The following HECTD4 variants were observed in gnomAD, a reference collection of about 807,000 sequenced individuals.
The protein encoded by HECTD4 is HECT domain E3 ubiquitin protein ligase 4.
HECTD4 carries 114 observed loss-of-function variants against 471.5 expected under a neutral mutation model. The observed-to-expected ratio is 0.24, with a 90% CI of 0.21 to 0.28. The LOEUF is 0.28. Ranked by LOEUF, HECTD4 falls within the 10% of genes least tolerant of loss-of-function variation. HECTD4 has a pLI of 1.00. For missense variants in HECTD4, 3,866 were observed against 5,651.5 expected, an observed-to-expected ratio of 0.68 and a Z score of 10.13; for synonymous variants, 2,012 against 2,256.0, an observed-to-expected ratio of 0.89 and a Z score of 3.07.
chr12:112,283,570 A>G (rs749878380), intron 7 of HECTD4, among the ~76,000 whole-genome samples: 1 of 152,242 alleles, frequency 6.6e-6, no homozygotes, highest in Non-Finnish European at 1.5e-5. Flanking sequence ...ACTGGATTCC[A>G]CAGGCAGCGC....
chr12:112,245,320 T>A (rs2033736707), intron 29 of HECTD4, among the ~76,000 whole-genome samples: 1 of 152,200 alleles, frequency 6.6e-6, no homozygotes, highest in Non-Finnish European at 1.5e-5. Flanking sequence ...CCATTTTGTA[T>A]CTGTCTTAAG....
intron 1 of HECTD4, among the ~76,000 whole-genome samples, chr12:112,365,994 T>G (rs1374723759): frequency 1.3e-5 from 2 of 152,102 alleles, no homozygotes; most frequent in Non-Finnish European, 2.9e-5. Flanking sequence ...CGGGCTGGTC[T>G]CAAACCCCTG....
At chr12:112,331,081 G>GT (rs901413237) in intron 1 of HECTD4, among the ~76,000 whole-genome samples, 10 of 151,588 alleles carry the variant, frequency 6.6e-5, no homozygotes, top group Middle Eastern at 3.4e-3. Context: ...GGTTTGTTTT[G>GT]TTTTTTTTGA....
At chr12:112,180,332 G>T (rs2031620338) in intron 62 of HECTD4, among the ~76,000 whole-genome samples, 1 of 152,188 alleles carries the variant, frequency 6.6e-6, no homozygotes, top group African/African-American at 2.4e-5. Flanking sequence ...TGGGTCACAT[G>T]AGGTAAGGAG....
chr12:112,169,060 G>A (rs751815798), intron 70 of HECTD4, among the ~76,000 whole-genome samples: 19 of 152,230 alleles, frequency 1.2e-4, no homozygotes, highest in Non-Finnish European at 2.2e-4. Flanking sequence ...CAGTGGACAC[G>A]TTTCCTGAAT....
At chr12:112,361,973 T>C (rs191343080) in intron 1 of HECTD4, among the ~76,000 whole-genome samples, 2 of 152,312 alleles carry the variant, frequency 1.3e-5, no homozygotes, top group Non-Finnish European at 2.9e-5. Flanking sequence ...AAGCACCAAA[T>C]AGAACTACTT....
In HECTD4 at chr12:112,228,729, G is replaced by A; in HGVS notation, c.6602C>T (p.Pro2201Leu). The stretch of plus-strand genomic sequence containing the variant: ...CGAAGTCTTTCTACAGTCTATGGGT[G>A]GGAATCTGACTGTAGCTATACCTTC... ...EQEGIATVRFPPIDCRKTSQA... is the reference protein window; with the variant it reads ...EQEGIATVRFLPIDCRKTSQA... Residue 2201 changes from proline to leucine, a missense_variant, in exon 42 of 76, where the codon CCA (proline) becomes CTA (leucine). Pro to Leu is a moderately conservative substitution (Grantham distance 98, BLOSUM62 -3). Around this residue, in one of 16 missense-constraint regions of HECTD4, gnomAD observed 617 missense variants for 915.1 expected, o/e 0.67. Transcript: ENST00000682272. This position sits in a 1 kb window ranked among gnomAD's most constrained non-coding sequence, Gnocchi z 4.9. The A allele has an allele frequency of 6.2e-7, 1 of 1,613,222 alleles. No individual in the cohort carries two copies. Among genetic ancestry groups the A allele is most frequent in the Non-Finnish European group, 8.5e-7 (1 of 1,179,324 alleles).
rs1232104516 is a variant in HECTD4, at chr12:112,163,330, TG to T, written c.12898-67del. The T allele has an allele frequency of 5.5e-6, 8 of 1,457,916 alleles. No individual in the cohort carries two copies. The South Asian group carries it at 1.0e-4, about 19-fold the overall frequency. 90.3% of individuals were successfully genotyped at this position (1,457,916 alleles called of 1,614,324 possible). On this transcript the variant is annotated intron_variant, in intron 74 of 75. Transcript: ENST00000682272. The surrounding 1 kb of genome is among the most constrained non-coding windows in gnomAD (Gnocchi z 8.2). The stretch of plus-strand genomic sequence containing the variant: ...CACCTACCCAGTGCCTCCCCAGCCC[TG>T]GGGTCTGCAGGCCAGGCCCAATCCT...
chr12:112,297,977 C>A (rs914848214), intron 7 of HECTD4, among the ~76,000 whole-genome samples: 1 of 152,128 alleles, frequency 6.6e-6, no homozygotes, highest in African/African-American at 2.4e-5. Flanking sequence ...GGGGTGTCCA[C>A]AGCCAAAGTG....
chr12:112,171,910 GT>G (rs1049303664), intron 67 of HECTD4, among the ~76,000 whole-genome samples: 2 of 151,644 alleles, frequency 1.3e-5, no homozygotes, highest in African/African-American at 2.4e-5. Flanking sequence ...TGCAATCCTA[GT>G]TTTTTTTTGG....
chr12:112,281,194 C>T (rs765771013), intron 8 of HECTD4, among the ~76,000 whole-genome samples: 2 of 151,868 alleles, frequency 1.3e-5, no homozygotes, highest in Non-Finnish European at 2.9e-5. Flanking sequence ...TTAAAGAATC[C>T]ACATAAAAGT....
Position 112,259,105 on chromosome 12 carries a change from A to G in HECTD4, c.3027+7T>C. ...AGCAGTTCACTTTGGCACACCAAGG[A>G]TCATACCTGGCTGGTATAGAGTACC... On this transcript the variant is annotated splice_region_variant and intron_variant, in intron 19 of 75. Coordinates refer to ENST00000682272, the MANE Select transcript of HECTD4 (RefSeq NM_001388303.1). The G allele has an allele frequency of 1.2e-6, 2 of 1,602,824 alleles. No individual in the cohort carries two copies. Among genetic ancestry groups the G allele is most frequent in the East Asian group, 2.2e-5 (1 of 44,454 alleles).
In HECTD4 at chr12:112,256,482, A is replaced by G. The variant is rs1266467257; in HGVS notation, c.3165T>C (p.Thr1055=). The G allele has an allele frequency of 6.2e-7, 1 of 1,600,756 alleles. No individual in the cohort carries two copies. Among genetic ancestry groups the G allele is most frequent in the Middle Eastern group, 1.7e-4 (1 of 6,000 alleles). The part of the protein sequence containing the change: ...LEEKEEPGFL[T]GLKIPAPWAA... ...CCCATGGGGCAGGAATCTTTAAACC[A>G]GTGAGAAATCCTGGCTCTTCCTTCT... is the stretch of plus-strand genomic sequence containing the variant. Residue 1055 remains threonine (T), a synonymous_variant, in exon 21 of 76, where the codon ACT becomes ACC. Coordinates refer to ENST00000682272, the MANE Select transcript of HECTD4 (RefSeq NM_001388303.1).
At chr12:112,276,060 C>T (rs1193206190) in intron 9 of HECTD4, among the ~76,000 whole-genome samples, 1 of 152,196 alleles carries the variant, frequency 6.6e-6, no homozygotes, top group Non-Finnish European at 1.5e-5. Context: ...GCAGCATTGT[C>T]TATCATTTTC....
rs140814644 is a variant in HECTD4, at chr12:112,174,138, C to T, written c.11595-1277G>A. ...GATTACAGGCGTGCGCCACCACGCT[C>T]GGCTAATTTTTGTAGAGACGGGGTT... is the stretch of plus-strand genomic sequence containing the variant. On this transcript the variant is annotated intron_variant, in intron 66 of 75. Coordinates refer to ENST00000682272, the MANE Select transcript of HECTD4 (RefSeq NM_001388303.1). Among the ~76,000 whole-genome samples, 389 of 151,466 alleles carry T rather than the reference C, an allele frequency of 2.6e-3. 4 individuals carry two copies. Among genetic ancestry groups the T allele is most frequent in the African/African-American group, 8.7e-3 (361 of 41,300 alleles).
chr12:112,181,524 G>T (rs1368358389), intron 62 of HECTD4, among the ~76,000 whole-genome samples: 1 of 152,028 alleles, frequency 6.6e-6, no homozygotes, highest in East Asian at 1.9e-4. Flanking sequence ...GTGCAGTGGC[G>T]TGATCTCAGC....
intron 71 of HECTD4, 137 bp downstream of exon 71, chr12:112,167,677 G>A (rs1387155129): frequency 9.7e-7 from 1 of 1,030,954 alleles, no homozygotes; most frequent in East Asian, 2.6e-5. Context: ...CATCCAGTGA[G>A]GCAAGGACCT....
chr12:112,280,260 A>T (rs1430825642), intron 8 of HECTD4, among the ~76,000 whole-genome samples: 17 of 152,140 alleles, frequency 1.1e-4, no homozygotes. Context: ...AATGACATAA[A>T]CTGTCATTAG....
chr12:112,358,403 C>T (rs940119216), intron 1 of HECTD4, among the ~76,000 whole-genome samples: 17 of 151,886 alleles, frequency 1.1e-4, no homozygotes, highest in African/African-American at 3.9e-4. Context: ...ATCACTTCAG[C>T]CCAGGAGTTC....
Sources: gnomAD v4.1 joint callset for allele counts (sites outside exome capture counted in the v4.1 genomes callset) on GRCh38, gnomAD v4.1.1 for gene constraint, gnomAD v4.1.1 regional missense constraint, Gnocchi (gnomAD v3.1) non-coding constraint, MANE v1.5 for transcripts, NCBI Gene and HGNC (gene_info 2026-07-23, HGNC 2026-07-21) for gene names.